The following WWOX variants were observed in gnomAD, a reference collection of about 807,000 sequenced individuals.
WWOX encodes the protein WW domain-containing oxidoreductase.
A neutral mutation model predicts 46.2 loss-of-function variants in WWOX; 69 were observed. That is an observed-to-expected ratio of 1.49 (90% CI 1.23 to 1.82). The LOEUF (loss-of-function observed/expected upper bound fraction) is 1.82. WWOX is among the 40% of genes most tolerant of loss of function. The pLI, the probability that WWOX is intolerant of heterozygous loss-of-function variation, is 0.00. For missense variants in WWOX, 919 were observed against 542.6 expected (o/e 1.69, Z -6.89); for synonymous variants, 359 against 202.6 (o/e 1.77, Z -6.56).
In WWOX at chr16:78,271,970, G is replaced by A. The variant is rs117172639; in HGVS notation, c.516+107681G>A. Among the ~76,000 whole-genome samples, 17 of 152,290 alleles carry A rather than the reference G, an allele frequency of 1.1e-4. No individual in the cohort carries two copies. In the East Asian group the frequency reaches 3.3e-3, roughly 29 times the overall value. The stretch of plus-strand genomic sequence containing the variant: ...TCAGGCAGATGGAGGTTCTAATCCA[G>A]GCTGCACACCTCATCAGCCAGGAGA... On this transcript the variant is annotated intron_variant, in intron 5 of 8. Transcript: ENST00000566780.
At chr16:78,359,004 A>G (rs1391378882) in intron 5 of WWOX, among the ~76,000 whole-genome samples, 10 of 151,682 alleles carry the variant, frequency 6.6e-5, no homozygotes, top group Admixed American at 6.6e-4. Flanking sequence ...CTGGGCACAG[A>G]TTCTGTTTTC....
intron 8 of WWOX, among the ~76,000 whole-genome samples, chr16:78,441,189 T>C (rs2083437214): frequency 6.6e-6 from 1 of 152,216 alleles, no homozygotes; most frequent in South Asian, 2.1e-4. Flanking sequence ...CCCAAAGTGC[T>C]GGGATTACAG....
intron 8 of WWOX, among the ~76,000 whole-genome samples, chr16:78,548,211 C>T (rs997212126): frequency 2.7e-5 from 4 of 147,664 alleles, no homozygotes; most frequent in Non-Finnish European, 5.9e-5. Context: ...AACATTTAAT[C>T]CGTAGTACTG....
intron 8 of WWOX, among the ~76,000 whole-genome samples, chr16:78,595,898 A>G (rs1159645028): frequency 2.6e-5 from 4 of 152,198 alleles, no homozygotes; most frequent in African/African-American, 7.2e-5. Context: ...TATTTTTGCT[A>G]TCTAAAATAT....
intron 8 of WWOX, among the ~76,000 whole-genome samples, chr16:78,550,204 C>T (rs2044142002): frequency 1.3e-5 from 2 of 152,146 alleles, no homozygotes; most frequent in Non-Finnish European, 2.9e-5. Context: ...TGGATCATTC[C>T]ATTTATACTC....
At position 78,345,602 on chromosome 16, in the gene WWOX, T is replaced by A. The variant is rs1216579181; in HGVS notation, c.517-41258T>A. On this transcript the variant is annotated intron_variant, in intron 5 of 8. Transcript: ENST00000566780. ...CTACAGTGAGCTGTGATCCTGTCTC[T>A]ACACCTCAGTCTGGGTGGCAGAGCA... 2.5e-5 allele frequency among the ~76,000 whole-genome samples: 2 copies of A among 80,886 alleles called. 1 individual carries two copies. The highest frequency in any genetic ancestry group is 5.4e-5 in the Non-Finnish European group (2 of 37,310). 53.1% of individuals were successfully genotyped at this position (80,886 alleles called of 152,430 possible). A position where few individuals can be genotyped will look rare whatever the true frequency, so the allele number is the denominator to read the frequency against.
At chr16:78,765,290 G>A (rs1272513075) in intron 8 of WWOX, among the ~76,000 whole-genome samples, 1 of 152,240 alleles carries the variant, frequency 6.6e-6, no homozygotes, top group African/African-American at 2.4e-5. Context: ...ATGGGCTTAG[G>A]GACAGTGATG....
chr16:78,862,312 G>A (rs140174977), intron 8 of WWOX, among the ~76,000 whole-genome samples: 29 of 150,642 alleles, frequency 1.9e-4, no homozygotes, highest in Admixed American at 1.7e-3. Flanking sequence ...ACACCTATGG[G>A]TGTGTCTTTC....
At chr16:78,323,593 C>CT (rs1328225453) in intron 5 of WWOX, among the ~76,000 whole-genome samples, 1 of 152,160 alleles carries the variant, frequency 6.6e-6, no homozygotes, top group African/African-American at 2.4e-5. Context: ...GAGCTGTCCT[C>CT]TAAGTGAATC....
At chr16:78,636,049 A>G (rs1287266624) in intron 8 of WWOX, among the ~76,000 whole-genome samples, 2 of 152,170 alleles carry the variant, frequency 1.3e-5, no homozygotes, top group Non-Finnish European at 2.9e-5. Context: ...GCTGCGGAAC[A>G]CTGCCTGTGT....
intron 5 of WWOX, among the ~76,000 whole-genome samples, chr16:78,243,787 T>C (rs1441211834): frequency 6.6e-6 from 1 of 152,224 alleles, no homozygotes; most frequent in Non-Finnish European, 1.5e-5. Flanking sequence ...CCTCGAGTGA[T>C]CTGCCTGCCT....
intron 8 of WWOX, among the ~76,000 whole-genome samples, chr16:78,577,932 T>G (rs534147456): frequency 1.2e-4 from 18 of 152,164 alleles, no homozygotes; most frequent in Non-Finnish European, 1.0e-4. Flanking sequence ...TGTACCCTTG[T>G]GGCCACAGTT....
At chr16:78,901,314 A>C (rs550688594) in intron 8 of WWOX, among the ~76,000 whole-genome samples, 68 of 152,380 alleles carry the variant, frequency 4.5e-4, no homozygotes, top group Non-Finnish European at 9.0e-4. Flanking sequence ...AGACTATGTC[A>C]TGAAAGCTTT....
intron 8 of WWOX, among the ~76,000 whole-genome samples, chr16:79,104,203 T>C (rs1164231919): frequency 6.6e-6 from 1 of 152,168 alleles, no homozygotes; most frequent in Non-Finnish European, 1.5e-5. Context: ...AACCTTGAAA[T>C]ATCCTAACAT....
chr16:78,292,734 C>T (rs796835830), intron 5 of WWOX, among the ~76,000 whole-genome samples: 7 of 152,230 alleles, frequency 4.6e-5, no homozygotes, highest in African/African-American at 1.7e-4. Context: ...AAATGTGCTG[C>T]CCTTACCCTA....
intron 8 of WWOX, among the ~76,000 whole-genome samples, chr16:78,950,257 C>T (rs2046031855): frequency 6.6e-6 from 1 of 152,106 alleles, no homozygotes; most frequent in South Asian, 2.1e-4. Flanking sequence ...AGCTCAAATG[C>T]ATGACATGAT....
chr16:79,103,794 G>A (rs2049250459), intron 8 of WWOX, among the ~76,000 whole-genome samples: 2 of 152,118 alleles, frequency 1.3e-5, no homozygotes, highest in Non-Finnish European at 2.9e-5. Context: ...AAGGAGAGCT[G>A]CAAATGGGCT....
intron 8 of WWOX, among the ~76,000 whole-genome samples, chr16:78,969,583 C>T (rs1272436314): frequency 6.6e-6 from 1 of 152,170 alleles, no homozygotes; most frequent in Non-Finnish European, 1.5e-5. Flanking sequence ...TCTCTTTCAA[C>T]TAGAACAGTT....
chr16:78,940,292 C>G (rs1456362746), intron 8 of WWOX, among the ~76,000 whole-genome samples: 4 of 151,854 alleles, frequency 2.6e-5, no homozygotes, highest in Non-Finnish European at 5.9e-5. Flanking sequence ...ATTTGTTTAC[C>G]CTGATTTTTT....
Sources: gnomAD v4.1 joint callset for allele counts (sites outside exome capture counted in the v4.1 genomes callset) on GRCh38, gnomAD v4.1.1 for gene constraint, MANE v1.5 for transcripts, NCBI Gene and HGNC (gene_info 2026-07-23, HGNC 2026-07-21) for gene names.